DNM3: variants seen among roughly 807,000 people sequenced by gnomAD.
The protein encoded by DNM3 is dynamin 3, also known as dynamin-3.
In DNM3, 47 loss-of-function variants were observed where a neutral mutation model predicts 101.6. The observed-to-expected ratio is 0.46, with a 90% CI of 0.37 to 0.59. The LOEUF (loss-of-function observed/expected upper bound fraction) is 0.59, where lower values mean the gene tolerates loss of function less well. DNM3 is among the 20% of genes least tolerant of loss of function. The probability of loss-of-function intolerance (pLI) is 0.00; values close to 1 mark genes in which losing one functional copy is unlikely to be tolerated. For synonymous variants in DNM3, 385 were observed against 387.9 expected (o/e 0.99, Z 0.09); for missense variants, 849 against 1,085.7 (o/e 0.78, Z 3.06).
intron 1 of DNM3, among the ~76,000 whole-genome samples, chr1:171,897,214 TA>T (rs1242555341): frequency 2.0e-5 from 3 of 152,198 alleles, no homozygotes; most frequent in Non-Finnish European, 4.4e-5. Flanking sequence ...GAATCAGTTT[TA>T]AAAAATGGCA....
intron 11 of DNM3, among the ~76,000 whole-genome samples, chr1:172,075,523 C>G (rs2052580874): frequency 6.6e-6 from 1 of 152,190 alleles, no homozygotes; most frequent in Non-Finnish European, 1.5e-5. Flanking sequence ...TTTCAGTCTT[C>G]TGCATATGGC....
intron 14 of DNM3, among the ~76,000 whole-genome samples, chr1:172,203,480 A>G (rs939658729): frequency 1.3e-5 from 2 of 152,168 alleles, no homozygotes; most frequent in Admixed American, 1.3e-4. Flanking sequence ...TGTTTATATG[A>G]TATCTGATCC....
intron 10 of DNM3, among the ~76,000 whole-genome samples, chr1:172,062,853 A>G (rs747566488): frequency 6.6e-6 from 1 of 152,138 alleles, no homozygotes; most frequent in Non-Finnish European, 1.5e-5. Context: ...TGTTTAAAAA[A>G]TTTTTTTCAT....
At chr1:171,864,489 A>T (rs1479008100) in intron 1 of DNM3, 13 of 152,278 alleles carry the variant, frequency 8.5e-5, no homozygotes. Flanking sequence ...GCTCATGATA[A>T]GGCTTGCCAG....
At chr1:172,295,968 G>T (rs933187738) in intron 15 of DNM3, among the ~76,000 whole-genome samples, 1 of 152,146 alleles carries the variant, frequency 6.6e-6, no homozygotes, top group Non-Finnish European at 1.5e-5. Context: ...TTTTTGTAAT[G>T]AAATCAGAAC....
intron 15 of DNM3, among the ~76,000 whole-genome samples, chr1:172,274,418 C>A (rs548523678): frequency 1.3e-5 from 2 of 152,136 alleles, no homozygotes; most frequent in East Asian, 1.9e-4. Flanking sequence ...ACAACATAAG[C>A]ATATCCCTTG....
At chr1:172,039,986 G>A (rs370299596) in intron 7 of DNM3, among the ~76,000 whole-genome samples, 111 of 152,228 alleles carry the variant, frequency 7.3e-4, no homozygotes, top group Non-Finnish European at 9.0e-4. Flanking sequence ...AAGGGAGCCC[G>A]GATGAGGAAG....
At chr1:171,968,589 G>T (rs1294140373) in intron 2 of DNM3, among the ~76,000 whole-genome samples, 2 of 152,172 alleles carry the variant, frequency 1.3e-5, no homozygotes, top group Admixed American at 6.6e-5. Context: ...ATCATGGAAG[G>T]TTAGAGAAAT....
At chr1:172,237,451 C>G (rs1195638858) in intron 14 of DNM3, among the ~76,000 whole-genome samples, 1 of 152,124 alleles carries the variant, frequency 6.6e-6, no homozygotes, top group Non-Finnish European at 1.5e-5. Context: ...CAGTTAGAAG[C>G]TAAAGCAATT....
chr1:171,944,337 A>G (rs1156625187), intron 2 of DNM3, among the ~76,000 whole-genome samples: 1 of 145,850 alleles, frequency 6.9e-6, no homozygotes, highest in Non-Finnish European at 1.5e-5. Flanking sequence ...CTTTTAAACA[A>G]TGTATTTATT....
chr1:171,964,344 T>G (rs2043424965), intron 2 of DNM3, among the ~76,000 whole-genome samples: 1 of 152,162 alleles, frequency 6.6e-6, no homozygotes, highest in Non-Finnish European at 1.5e-5. Flanking sequence ...CTCTACAACC[T>G]CTTATCATAA....
rs950597816 is a variant in DNM3, at chr1:172,151,455, G to A, written c.1659+20167G>A. ...GTACTATTGGTTCATTTTTGTTTGG[G>A]GAACACTCACTTTACTCCCAATCTT... On this transcript the variant is annotated intron_variant, in intron 14 of 20. Coordinates refer to ENST00000627582, the MANE Select transcript of DNM3 (RefSeq NM_015569.5). 2.2e-4 allele frequency among the ~76,000 whole-genome samples: 33 copies of A among 152,104 alleles called. 1 individual carries two copies. Among genetic ancestry groups the A allele is most frequent in the East Asian group, 1.5e-3 (8 of 5,174 alleles).
intron 1 of DNM3, among the ~76,000 whole-genome samples, chr1:171,885,333 G>A (rs2125145491): frequency 6.6e-6 from 1 of 152,090 alleles, no homozygotes; most frequent in East Asian, 1.9e-4. Context: ...TACCTCCTAA[G>A]CAAAACATCA....
At chr1:172,251,683 T>C (rs1034233848) in intron 14 of DNM3, among the ~76,000 whole-genome samples, 4 of 152,126 alleles carry the variant, frequency 2.6e-5, no homozygotes, top group African/African-American at 2.4e-5. Flanking sequence ...CCTACTTCTA[T>C]AGAAAACAAG....
intron 1 of DNM3, among the ~76,000 whole-genome samples, chr1:171,843,308 A>T (rs960726008): frequency 4.6e-5 from 7 of 152,204 alleles, no homozygotes; most frequent in Non-Finnish European, 1.0e-4. Flanking sequence ...AACAAAGTGA[A>T]GGTAAAGCAT....
At chr1:172,051,647 G>A (rs964163126) in intron 10 of DNM3, among the ~76,000 whole-genome samples, 1 of 152,130 alleles carries the variant, frequency 6.6e-6, no homozygotes, top group African/African-American at 2.4e-5. Context: ...TATTTTGAAG[G>A]TTTGAAATTT....
chr1:172,164,877 G>A lies in DNM3; in HGVS notation c.1659+33589G>A, dbSNP rs574269788. Among the ~76,000 whole-genome samples, 4 of 152,098 alleles carry A rather than the reference G, an allele frequency of 2.6e-5. No homozygotes were observed. The East Asian group carries it at 7.8e-4, about 29-fold the overall frequency. On this transcript the variant is annotated intron_variant, in intron 14 of 20. Coordinates refer to ENST00000627582, the MANE Select transcript of DNM3 (RefSeq NM_015569.5). ...CATCAGACATGGTAACCCTAGGGTG[G>A]TCAAAAGTGGCTGGGCTACACTGCA...
intron 1 of DNM3, among the ~76,000 whole-genome samples, chr1:171,905,710 C>T (rs780874098): frequency 7.9e-5 from 12 of 152,028 alleles, no homozygotes; most frequent in Non-Finnish European, 1.3e-4. Flanking sequence ...GACAACTTCT[C>T]AATAGACAAG....
chr1:172,000,771 A>G lies in DNM3; in HGVS notation c.589+11623A>G, dbSNP rs1572028976. 2.0e-5 allele frequency among the ~76,000 whole-genome samples: 3 copies of G among 152,146 alleles called. No individual in the cohort carries two copies. The South Asian group carries it at 6.2e-4, about 32-fold the overall frequency. On this transcript the variant is annotated intron_variant, in intron 4 of 20. Coordinates refer to ENST00000627582, the MANE Select transcript of DNM3 (RefSeq NM_015569.5). ...GGGTTTGGTAGGAAAGTCTCCTTAG[A>G]GAGGGTTCAAGGAAAACTTGGCTGT...
Sources: allele counts gnomAD v4.1 joint callset (sites outside exome capture counted in the v4.1 genomes callset), GRCh38; gene constraint gnomAD v4.1.1; transcripts MANE v1.5; gene names NCBI Gene and HGNC (gene_info 2026-07-23, HGNC 2026-07-21).